Variants in ZNF532 observed in about 807,000 individuals in gnomAD.
The protein encoded by ZNF532 is zinc finger protein 532.
A neutral mutation model predicts 89.3 loss-of-function variants in ZNF532; 22 were observed. That is an observed-to-expected ratio of 0.25 (90% CI 0.18 to 0.35). The LOEUF (loss-of-function observed/expected upper bound fraction) is 0.35. ZNF532 is among the 10% of genes least tolerant of loss of function. The pLI is 1.00. For missense variants in ZNF532, 1,132 were observed against 1,643.4 expected, an observed-to-expected ratio of 0.69 and a Z score of 5.38; for synonymous variants, 606 against 649.6, an observed-to-expected ratio of 0.93 and a Z score of 1.02.
chr18:58,880,084 G>A (rs2057762388), intron 2 of ZNF532, among the ~76,000 whole-genome samples: 1 of 152,148 alleles, frequency 6.6e-6, no homozygotes, highest in Admixed American at 6.6e-5. Context: ...AGAGAGGGAT[G>A]GAGTTGGACA....
chr18:58,973,141 C>T (rs968733886), intron 7 of ZNF532, among the ~76,000 whole-genome samples: 2 of 152,224 alleles, frequency 1.3e-5, no homozygotes, highest in South Asian at 2.1e-4. Context: ...CTCACTCTGT[C>T]GCCCAGGCTG....
rs2068219713 is a variant in ZNF532 at position 58,984,564 on chromosome 18, T to C, written c.*98T>C. On this transcript the variant is annotated 3_prime_UTR_variant, in exon 10 of 10. Transcript: ENST00000591808. The stretch of plus-strand genomic sequence containing the variant: ...GTATAATAGAGTTAACAGTACTGTC[T>C]AGGCTGTTGCAATATATTCTCTTTC... 7.2e-7 allele frequency: 1 copy of C among 1,394,850 alleles called. No individual in the cohort carries two copies. Among genetic ancestry groups the C allele is most frequent in the Admixed American group, 2.7e-5 (1 of 36,998 alleles). The allele number at this position is 1,394,850 out of a possible 1,614,324, so 86.4% of individuals were successfully genotyped here. A position where few individuals can be genotyped will look rare whatever the true frequency, so the allele number is the denominator to read the frequency against.
intron 7 of ZNF532, 55 bp from the exon 8 acceptor site, chr18:58,979,000 T>C (rs757788001): frequency 2.9e-5 from 40 of 1,375,808 alleles, no homozygotes; most frequent in Non-Finnish European, 4.0e-5. Context: ...AGTTCTTAAT[T>C]GTTTGAGTGC....
Position 58,888,697 on chromosome 18 carries a change from T to TTTTTTA in ZNF532, c.-18+23119_-18+23120insTTTTAT, listed in dbSNP as rs1555708767. On this transcript the variant is annotated intron_variant, in intron 2 of 9. Coordinates refer to ENST00000591808, the MANE Select transcript of ZNF532 (RefSeq NM_001375912.1). Reference sequence around the variant, plus strand: ...GTCTCCAAGGAAGGCAAAAAAAAAATTATATATATATATATATATATATAT... The same window carrying TTTTTTA: ...GTCTCCAAGGAAGGCAAAAAAAAAATTTTTTATATATATATATATATATATATATAT... Among the ~76,000 whole-genome samples, 31 of 45,308 alleles carry TTTTTTA rather than the reference T, an allele frequency of 6.8e-4. 2 individuals carry two copies. The highest frequency in any genetic ancestry group is 3.6e-3 in the African/African-American group (30 of 8,364). 29.7% of individuals were successfully genotyped at this position (45,308 alleles called of 152,430 possible). A position where few individuals can be genotyped will look rare whatever the true frequency, so the allele number is the denominator to read the frequency against.
chr18:58,920,216 A>G lies in ZNF532; in HGVS notation c.1929A>G (p.Glu643=). The stretch of plus-strand genomic sequence containing the variant: ...ACGACAGACGGAGCGTGCGCATCGA[A>G]GTAACGTGCAACCATTGTACAAAGA... ...QHYDRRSVRI[E]VTCNHCTKNL... The change falls in exon 3 of 10, where the codon GAA becomes GAG. Residue 643 remains glutamate (E), a synonymous_variant. Transcript: ENST00000591808. 6.2e-7 allele frequency: 1 copy of G among 1,613,750 alleles called. No homozygotes were observed. The highest frequency in any genetic ancestry group is 8.5e-7 in the Non-Finnish European group (1 of 1,179,658).
chr18:58,925,532 G>T (rs2061453541), intron 3 of ZNF532, among the ~76,000 whole-genome samples: 1 of 152,118 alleles, frequency 6.6e-6, no homozygotes, highest in South Asian at 2.1e-4. Flanking sequence ...TCTTTTGTTG[G>T]CTATGTGGCT....
intron 9 of ZNF532, 88 bp from the exon 10 acceptor site, chr18:58,983,884 G>A (rs1304523672): frequency 4.0e-6 from 6 of 1,489,712 alleles, no homozygotes; most frequent in Non-Finnish European, 4.5e-6. Context: ...AAGTTTTCCT[G>A]GCAGCTCTAA....
At chr18:58,869,317 G>A (rs1478596052) in intron 2 of ZNF532, among the ~76,000 whole-genome samples, 1 of 152,320 alleles carries the variant, frequency 6.6e-6, no homozygotes, top group East Asian at 1.9e-4. Flanking sequence ...ACACACGAGA[G>A]ATGATCATGA....
At chr18:58,924,057 A>G (rs556933304) in intron 3 of ZNF532, among the ~76,000 whole-genome samples, 24 of 152,202 alleles carry the variant, frequency 1.6e-4, no homozygotes, top group African/African-American at 5.3e-4. Flanking sequence ...GGGTTTCACC[A>G]TGTTGGCCGG....
chr18:58,951,771 T>G (rs1416599004), intron 6 of ZNF532, among the ~76,000 whole-genome samples: 1 of 148,932 alleles, frequency 6.7e-6, no homozygotes, highest in Admixed American at 6.8e-5. Context: ...TGCCTCTGCC[T>G]CCCAAGTAGA....
At chr18:58,921,783 C>T (rs1393041233) in intron 3 of ZNF532, among the ~76,000 whole-genome samples, 1 of 152,140 alleles carries the variant, frequency 6.6e-6, no homozygotes, top group African/African-American at 2.4e-5. Flanking sequence ...TCGAGTTAGA[C>T]CATGTGACAT....
At chr18:58,911,918 G>A (rs758795472) in intron 2 of ZNF532, among the ~76,000 whole-genome samples, 1 of 152,186 alleles carries the variant, frequency 6.6e-6, no homozygotes, top group Non-Finnish European at 1.5e-5. Flanking sequence ...TTAGAGAGCT[G>A]TGATGTGAGA....
rs188260854 is a variant in ZNF532 at position 58,873,513 on chromosome 18, A to G, written c.-18+7934A>G. Among the ~76,000 whole-genome samples the G allele has an allele frequency of 3.8e-3, 573 of 151,890 alleles. 8 individuals are homozygous for G. Among genetic ancestry groups the G allele is most frequent in the African/African-American group, 0.013 (549 of 41,418 alleles). On this transcript the variant is annotated intron_variant, in intron 2 of 9. Transcript: ENST00000591808. ...GCCCATACTGGAGTGCAATGGCGCA[A>G]TCTTGGCTCACTGCAACCTCTGCCT...
intron 2 of ZNF532, among the ~76,000 whole-genome samples, chr18:58,885,937 G>T (rs2058273561): frequency 6.6e-6 from 1 of 151,780 alleles, no homozygotes; most frequent in African/African-American, 2.4e-5. Flanking sequence ...GTCAGGATCT[G>T]TGGTGGCATC....
intron 7 of ZNF532, among the ~76,000 whole-genome samples, chr18:58,955,116 GC>G (rs1311170335): frequency 6.6e-6 from 1 of 152,150 alleles, no homozygotes. Flanking sequence ...TGTCAGCTGG[GC>G]ATGGTGGCTC....
At chr18:58,940,801 C>T (rs2062919059) in intron 5 of ZNF532, among the ~76,000 whole-genome samples, 1 of 152,086 alleles carries the variant, frequency 6.6e-6, no homozygotes, top group African/African-American at 2.4e-5. Flanking sequence ...TTAGTTATCG[C>T]AACATAGAGT....
At chr18:58,970,800 T>C (rs1156706192) in intron 7 of ZNF532, among the ~76,000 whole-genome samples, 2 of 152,228 alleles carry the variant, frequency 1.3e-5, no homozygotes, top group Non-Finnish European at 2.9e-5. Flanking sequence ...ACATCCCCAC[T>C]GGCCAGTGGA....
At position 58,920,493 on chromosome 18, in the gene ZNF532, A is replaced by C; in HGVS notation, c.2206A>C (p.Ile736Leu). ...TVISAPSSTP[I>L]TPAMPLDEDP... is the part of the protein sequence containing the mutation. ...CATATCGGCTCCTTCAAGCACTCCC[A>C]TCACCCCAGCCATGCCCCTAGATGA... The change falls in exon 3 of 10, where the codon ATC (isoleucine) becomes CTC (leucine). Residue 736 changes from isoleucine to leucine, a missense_variant. Ile to Leu is a conservative substitution (Grantham distance 5). This residue lies in a region of ZNF532 where 100 missense variants were observed against 122.0 expected (regional missense o/e 0.82). Transcript: ENST00000591808. 4 of 1,613,916 alleles carry C rather than the reference A, an allele frequency of 2.5e-6. No individual in the cohort carries two copies. Among genetic ancestry groups the C allele is most frequent in the Non-Finnish European group, 3.4e-6 (4 of 1,179,836 alleles).
At chr18:58,945,545 G>A (rs905271356) in intron 5 of ZNF532, among the ~76,000 whole-genome samples, 1 of 152,044 alleles carries the variant, frequency 6.6e-6, no homozygotes, top group African/African-American at 2.4e-5. Context: ...TACACTTCCT[G>A]TTGTTAAGAC....
Sources: allele counts gnomAD v4.1 joint callset (sites outside exome capture counted in the v4.1 genomes callset), GRCh38; gene constraint gnomAD v4.1.1; regional missense constraint gnomAD v4.1.1; transcripts MANE v1.5; gene names NCBI Gene and HGNC (gene_info 2026-07-23, HGNC 2026-07-21).